The following CCDC91 variants were observed in gnomAD, a reference collection of about 807,000 sequenced individuals.
CCDC91 encodes coiled-coil domain containing 91.
Under a neutral mutation model 63.2 loss-of-function variants are expected in CCDC91, and 48 were observed. The ratio of observed to expected loss-of-function variants is 0.76; its 90% CI spans 0.60 to 0.97. CCDC91 has a LOEUF of 0.97. Among genes scored for constraint, CCDC91 ranks in the 50% least tolerant of loss-of-function variants. The pLI, the probability that CCDC91 is intolerant of heterozygous loss-of-function variation, is 0.00. For missense variants in CCDC91, 500 were observed against 494.6 expected, an observed-to-expected ratio of 1.01 and a Z score of -0.10; for synonymous variants, 167 against 165.8, an observed-to-expected ratio of 1.01 and a Z score of -0.06.
At chr12:28,456,906 A>C (rs1214741230) in intron 11 of CCDC91, among the ~76,000 whole-genome samples, 1 of 152,168 alleles carries the variant, frequency 6.6e-6, no homozygotes, top group Non-Finnish European at 1.5e-5. Context: ...TTAAAGCCAA[A>C]TAAATAAAAA....
At chr12:28,477,704 C>CT (rs1236264212) in intron 11 of CCDC91, among the ~76,000 whole-genome samples, 1 of 152,062 alleles carries the variant, frequency 6.6e-6, no homozygotes. Flanking sequence ...GATTGTATAT[C>CT]TAAAAAACCG....
chr12:28,474,467 G>A (rs992525123), intron 11 of CCDC91, among the ~76,000 whole-genome samples: 12 of 151,918 alleles, frequency 7.9e-5, no homozygotes, highest in Non-Finnish European at 1.5e-4. Flanking sequence ...GCAATGGACC[G>A]GATTTGGCTC....
chr12:28,451,608 A>C (rs963689207), intron 10 of CCDC91, among the ~76,000 whole-genome samples: 8 of 151,724 alleles, frequency 5.3e-5, no homozygotes, highest in African/African-American at 1.9e-4. Flanking sequence ...GAAATGTGTC[A>C]GCATCTGGAG....
chr12:28,459,408 T>G (rs2140437514), intron 11 of CCDC91, among the ~76,000 whole-genome samples: 1 of 152,278 alleles, frequency 6.6e-6, no homozygotes, highest in Non-Finnish European at 1.5e-5. Context: ...CCAGCACTGT[T>G]TTAAGGAGAC....
chr12:28,239,959 A>T lies in CCDC91; in HGVS notation c.-14-17243A>T, dbSNP rs577510537. ...ATTAGCAAAATTTAGAAGAAACACT[A>T]AAATTTAATATCCAGCTCTTGTAAC... On this transcript the variant is annotated intron_variant, in intron 1 of 12. Coordinates refer to ENST00000536442, the MANE Select transcript of CCDC91 (RefSeq NM_018318.5). Among the ~76,000 whole-genome samples, 475 of 152,306 alleles carry T rather than the reference A, an allele frequency of 3.1e-3. 6 individuals are homozygous for T. Among genetic ancestry groups the T allele is most frequent in the Non-Finnish European group, 1.3e-3 (87 of 67,974 alleles).
At chr12:28,441,280 T>G (rs1447202782) in intron 8 of CCDC91, among the ~76,000 whole-genome samples, 1 of 152,008 alleles carries the variant, frequency 6.6e-6, no homozygotes, top group African/African-American at 2.4e-5. Context: ...ATAGGAACTC[T>G]CATACATTAC....
chr12:28,323,003 T>A (rs546813836), intron 6 of CCDC91, among the ~76,000 whole-genome samples: 3 of 151,612 alleles, frequency 2.0e-5, no homozygotes, highest in East Asian at 3.9e-4. Flanking sequence ...ATTTTTAATT[T>A]AAAAAATTCT....
chr12:28,340,109 A>G (rs1451214679), intron 6 of CCDC91, among the ~76,000 whole-genome samples: 1 of 152,184 alleles, frequency 6.6e-6, no homozygotes. Context: ...GATATTTACC[A>G]TATTAGAATA....
At chr12:28,211,158 C>T (rs188235763) in intron 1 of CCDC91, among the ~76,000 whole-genome samples, 105 of 150,482 alleles carry the variant, frequency 7.0e-4, no homozygotes, top group African/African-American at 2.5e-3. Context: ...TAAAACTTCA[C>T]AGAGGAGATA....
intron 2 of CCDC91, among the ~76,000 whole-genome samples, chr12:28,258,968 C>T (rs1946640194): frequency 6.6e-6 from 1 of 151,808 alleles, no homozygotes; most frequent in South Asian, 2.1e-4. Flanking sequence ...GGGTCTTGTG[C>T]TAATTAATTA....
intron 1 of CCDC91, among the ~76,000 whole-genome samples, chr12:28,212,183 C>T (rs1270441756): frequency 1.3e-5 from 2 of 152,130 alleles, no homozygotes; most frequent in African/African-American, 4.8e-5. Flanking sequence ...AGAAGCTCTG[C>T]TTTGGATCCC....
intron 6 of CCDC91, among the ~76,000 whole-genome samples, chr12:28,326,576 G>A (rs1254023930): frequency 8.7e-6 from 1 of 114,648 alleles, no homozygotes; most frequent in African/African-American, 3.5e-5. Flanking sequence ...ACAGTCCCCA[G>A]AGTGTGATGT....
At chr12:28,375,371 T>C (rs1294833839) in intron 7 of CCDC91, among the ~76,000 whole-genome samples, 1 of 151,964 alleles carries the variant, frequency 6.6e-6, no homozygotes, top group Non-Finnish European at 1.5e-5. Context: ...TAGTTGGTTG[T>C]CTTCGTATAG....
chr12:28,361,490 T>C (rs1317176891), intron 6 of CCDC91, among the ~76,000 whole-genome samples: 2 of 152,174 alleles, frequency 1.3e-5, no homozygotes, highest in African/African-American at 4.8e-5. Context: ...TTTTGCTTTC[T>C]TTGGCTTCCT....
At chr12:28,375,342 T>G (rs865996031) in intron 7 of CCDC91, among the ~76,000 whole-genome samples, 1 of 150,938 alleles carries the variant, frequency 6.6e-6, no homozygotes. Flanking sequence ...TACTTTTTCA[T>G]TATCTCATAG....
At position 28,369,720 on chromosome 12, in the gene CCDC91, A is replaced by G. The variant is rs546756361; in HGVS notation, c.654+7205A>G. Among the ~76,000 whole-genome samples the G allele has an allele frequency of 3.9e-5, 6 of 152,206 alleles. No homozygotes were observed. In the East Asian group the frequency reaches 1.2e-3, roughly 29 times the overall value. On this transcript the variant is annotated intron_variant, in intron 7 of 12. Coordinates refer to ENST00000536442, the MANE Select transcript of CCDC91 (RefSeq NM_018318.5). The stretch of plus-strand genomic sequence containing the variant: ...CTTCTGCCTCGACATCCAGGCATTT[A>G]CCTACATCCTCTGAAATCTAGGCAA...
At chr12:28,365,202 G>A (rs916970716) in intron 7 of CCDC91, among the ~76,000 whole-genome samples, 9 of 152,116 alleles carry the variant, frequency 5.9e-5, no homozygotes, top group African/African-American at 1.9e-4. Context: ...AAGTAATGGC[G>A]CTGGACAAAT....
chr12:28,406,887 T>G (rs1037373237), intron 8 of CCDC91, among the ~76,000 whole-genome samples: 2 of 151,612 alleles, frequency 1.3e-5, no homozygotes, highest in African/African-American at 4.8e-5. Flanking sequence ...GTGGATTTCT[T>G]TTGTACATGA....
intron 7 of CCDC91, among the ~76,000 whole-genome samples, chr12:28,389,014 A>C (rs1397606000): frequency 2.0e-5 from 3 of 152,206 alleles, no homozygotes; most frequent in Non-Finnish European, 4.4e-5. Flanking sequence ...GGTGGGACTT[A>C]AACTACGGAG....
Sources: allele counts gnomAD v4.1 joint callset (sites outside exome capture counted in the v4.1 genomes callset), GRCh38; gene constraint gnomAD v4.1.1; transcripts MANE v1.5; gene names NCBI Gene and HGNC (gene_info 2026-07-23, HGNC 2026-07-21).